Variants in DCT observed in about 807,000 individuals in gnomAD.
DCT encodes L-dopachrome tautomerase.
In DCT, 47 loss-of-function variants were observed where a neutral mutation model predicts 53.0. The ratio of observed to expected loss-of-function variants is 0.89; its 90% CI spans 0.70 to 1.13. The LOEUF is 1.13. Among genes scored for constraint, DCT ranks in the 50% most tolerant of loss-of-function variants. DCT has a pLI of 0.00. For synonymous variants in DCT, 244 were observed against 237.0 expected (o/e 1.03, Z -0.27); for missense variants, 669 against 637.4 (o/e 1.05, Z -0.53).
rs1207236143 is a variant in DCT, at chr13:94,438,337, A to G, written c.*1561T>C. 1 of 201,160 alleles carries G rather than the reference A, an allele frequency of 5.0e-6. No individual in the cohort carries two copies. Among genetic ancestry groups the G allele is most frequent in the Non-Finnish European group, 1.0e-5 (1 of 97,308 alleles). 12.5% of individuals were successfully genotyped at this position (201,160 alleles called of 1,614,324 possible). A position where few individuals can be genotyped will look rare whatever the true frequency, so the allele number is the denominator to read the frequency against. Reference sequence around the variant, plus strand: ...AGCAGGGCTTTACCGGGCTATCTTGATCTTCACCACTGAGCCTGCTCTCAG... The same window carrying G: ...AGCAGGGCTTTACCGGGCTATCTTGGTCTTCACCACTGAGCCTGCTCTCAG... On this transcript the variant is annotated 3_prime_UTR_variant, in exon 8 of 8. Coordinates refer to ENST00000377028, the MANE Select transcript of DCT (RefSeq NM_001922.5).
the DCT span, among the ~76,000 whole-genome samples, chr13:94,518,482 T>A: frequency 6.6e-6 from 1 of 152,190 alleles, no homozygotes; most frequent in South Asian, 2.1e-4. Context: ...CCTAATACTG[T>A]CCAGTTATTC....
chr13:94,480,477 C>T (rs1885394432), upstream of DCT, among the ~76,000 whole-genome samples: 1 of 152,158 alleles, frequency 6.6e-6, no homozygotes, highest in Non-Finnish European at 1.5e-5. Context: ...GACTTAGTGC[C>T]ACAAGGATGC....
In DCT at chr13:94,465,628, A is replaced by G. The variant is rs772925819; in HGVS notation, c.863+5T>C. The G allele has an allele frequency of 5.0e-6, 8 of 1,612,842 alleles. No homozygotes were observed. The South Asian group carries it at 7.7e-5, about 16-fold the overall frequency. The stretch of plus-strand genomic sequence containing the variant: ...GGATGCCATTGCAGGTACAGGAGCC[A>G]TTACCTATCACAGACAGTTTCCCAG... On this transcript the variant is annotated splice_donor_5th_base_variant and intron_variant, in intron 4 of 7. Coordinates refer to ENST00000377028, the MANE Select transcript of DCT (RefSeq NM_001922.5).
chr13:94,497,407 G>A, the DCT span, among the ~76,000 whole-genome samples: 3 of 152,132 alleles, frequency 2.0e-5, no homozygotes, highest in Non-Finnish European at 2.9e-5. Context: ...ACATCATGGG[G>A]TTAGGAGCAC....
chr13:94,501,808 G>A, the DCT span, among the ~76,000 whole-genome samples: 1 of 152,196 alleles, frequency 6.6e-6, no homozygotes, highest in East Asian at 1.9e-4. Context: ...GTGCAAGAAG[G>A]GAAGAGTTCA....
chr13:94,515,205 A>G, the DCT span, among the ~76,000 whole-genome samples: 1 of 152,260 alleles, frequency 6.6e-6, no homozygotes, highest in Admixed American at 6.5e-5. Context: ...TCTGTTGTTT[A>G]TAAGCCTCCT....
chr13:94,504,475 C>A, the DCT span, among the ~76,000 whole-genome samples: 1 of 152,198 alleles, frequency 6.6e-6, no homozygotes, highest in African/African-American at 2.4e-5. Flanking sequence ...TCCAGTGATT[C>A]TCCTGCCTCA....
the DCT span, among the ~76,000 whole-genome samples, chr13:94,525,103 C>T: frequency 8.0e-6 from 1 of 125,618 alleles, no homozygotes; most frequent in African/African-American, 3.3e-5. Flanking sequence ...TGAAGTGATA[C>T]CTTCTTTTTT....
chr13:94,448,766 T>C (rs1442191069), intron 6 of DCT, among the ~76,000 whole-genome samples: 2 of 151,996 alleles, frequency 1.3e-5, no homozygotes, highest in East Asian at 3.9e-4. Context: ...TAGCTGGGTG[T>C]GGTGGCGTGC....
the DCT span, among the ~76,000 whole-genome samples, chr13:94,534,449 C>T: frequency 3.3e-5 from 5 of 152,178 alleles, no homozygotes; most frequent in Non-Finnish European, 5.9e-5. Flanking sequence ...TCTTAGACCA[C>T]CAATTATTTC....
the DCT span, among the ~76,000 whole-genome samples, chr13:94,496,337 C>A: frequency 1.3e-5 from 2 of 151,914 alleles, no homozygotes; most frequent in Non-Finnish European, 2.9e-5. Flanking sequence ...GGGATTACAG[C>A]CACACACCAC....
chr13:94,526,398 G>A, the DCT span, among the ~76,000 whole-genome samples: 1 of 152,214 alleles, frequency 6.6e-6, no homozygotes, highest in African/African-American at 2.4e-5. Context: ...GCAATTCCAA[G>A]GCCAAGGTGA....
chr13:94,547,984 A>AAAAATAT, the DCT span, among the ~76,000 whole-genome samples: 4 of 65,818 alleles, frequency 6.1e-5, no homozygotes, highest in African/African-American at 3.9e-4. Flanking sequence ...AAAAAAAAAA[A>AAAAATAT]ATATATATAT....
At chr13:94,521,147 G>T in the DCT span, among the ~76,000 whole-genome samples, 2 of 152,176 alleles carry the variant, frequency 1.3e-5, no homozygotes, top group Non-Finnish European at 2.9e-5. Flanking sequence ...CAACTTACTA[G>T]TTGTGTGATC....
the DCT span, among the ~76,000 whole-genome samples, chr13:94,517,953 G>T: frequency 6.6e-6 from 1 of 152,020 alleles, no homozygotes; most frequent in African/African-American, 2.4e-5. Context: ...CATTGAAGAT[G>T]ATTTCAGGGC....
chr13:94,502,657 A>T, the DCT span, among the ~76,000 whole-genome samples: 1 of 150,678 alleles, frequency 6.6e-6, no homozygotes, highest in African/African-American at 2.4e-5. Flanking sequence ...TTCTTGGTTC[A>T]CCCCTTTCCC....
the DCT span, among the ~76,000 whole-genome samples, chr13:94,513,811 A>G: frequency 6.6e-6 from 1 of 151,984 alleles, no homozygotes; most frequent in Admixed American, 6.6e-5. Context: ...ACATGGTGAA[A>G]TCTCGTCTCT....
rs1367925937 is a variant in DCT at position 94,468,986 on chromosome 13, C to T, written c.355G>A (p.Glu119Lys). 17 of 1,613,988 alleles carry T rather than the reference C, an allele frequency of 1.1e-5. No individual in the cohort carries two copies. In the South Asian group the frequency reaches 1.5e-4, roughly 15 times the overall value. The stretch of plus-strand genomic sequence containing the variant: ...CGAATCACTGGTGGTTTCTTCCGCT[C>T]GCAGTTGGGACCGGTCCAGCCAAAC... ...CKFGWTGPNC[E>K]RKKPPVIRQN... The change falls in exon 2 of 8, where the codon GAG becomes AAG. Residue 119 changes from glutamate to lysine, a missense_variant. Physicochemically the swap from Glu to Lys is moderately conservative, Grantham distance 56. Transcript: ENST00000377028.
At chr13:94,510,459 A>G in the DCT span, among the ~76,000 whole-genome samples, 1 of 152,194 alleles carries the variant, frequency 6.6e-6, no homozygotes, top group African/African-American at 2.4e-5. Context: ...AATACATACA[A>G]GGTTTAAAAG....
Sources: allele counts gnomAD v4.1 joint callset (sites outside exome capture counted in the v4.1 genomes callset), GRCh38; gene constraint gnomAD v4.1.1; transcripts MANE v1.5; gene names NCBI Gene and HGNC (gene_info 2026-07-23, HGNC 2026-07-21).